UBASH3B: variants seen among roughly 807,000 people sequenced by gnomAD.
UBASH3B encodes the protein ubiquitin-associated and SH3 domain-containing protein B.
Under a neutral mutation model 83.4 loss-of-function variants are expected in UBASH3B, and 37 were observed. The ratio of observed to expected loss-of-function variants is 0.44; its 90% CI spans 0.34 to 0.58. UBASH3B has a LOEUF of 0.58. Ranked by LOEUF, UBASH3B falls within the 20% of genes least tolerant of loss-of-function variation. The pLI is 0.01. For synonymous variants in UBASH3B, 304 were observed against 318.3 expected (o/e 0.96, Z 0.48); for missense variants, 657 against 827.2 (o/e 0.79, Z 2.52).
chr11:122,800,773 A>T (rs370532145), intron 10 of UBASH3B, among the ~76,000 whole-genome samples: 3 of 151,724 alleles, frequency 2.0e-5, no homozygotes, highest in African/African-American at 7.3e-5. Flanking sequence ...ACACCCTGTT[A>T]ATGTTTGTAT....
At chr11:122,661,213 A>T (rs1432528899) in intron 1 of UBASH3B, among the ~76,000 whole-genome samples, 1 of 152,170 alleles carries the variant, frequency 6.6e-6, no homozygotes, top group Non-Finnish European at 1.5e-5. Context: ...ATTAAAGAGC[A>T]AGGCAGTGGC....
chr11:122,694,954 C>CTT (rs71054088), intron 1 of UBASH3B, among the ~76,000 whole-genome samples: 1,583 of 50,398 alleles, frequency 0.031, 399 homozygotes, highest in Middle Eastern at 0.048. Flanking sequence ...TCTTTTCTTT[C>CTT]TTTTTTTTTT....
At position 122,809,863 on chromosome 11, in the gene UBASH3B, A is replaced by G; in HGVS notation, c.1927A>G (p.Arg643Gly). 6.2e-7 allele frequency: 1 copy of G among 1,614,180 alleles called. No homozygotes were observed. Among genetic ancestry groups the G allele is most frequent in the East Asian group, 2.2e-5 (1 of 44,878 alleles). Residue 643 changes from arginine to glycine, a missense_variant, in exon 14 of 14, where the codon AGA becomes GGA. Around this residue, in one of 3 missense-constraint regions of UBASH3B, gnomAD observed 573 missense variants for 739.0 expected, o/e 0.78. Coordinates refer to ENST00000284273, the MANE Select transcript of UBASH3B (RefSeq NM_032873.5). ...THGPTGGFNW[R>G]ETLLQE ...TGGACCAACTGGGGGCTTCAACTGG[A>G]GAGAGACCTTGCTTCAAGAATAAAC...
chr11:122,681,787 C>T (rs182171043), intron 1 of UBASH3B, among the ~76,000 whole-genome samples: 44 of 152,228 alleles, frequency 2.9e-4, no homozygotes, highest in Non-Finnish European at 2.1e-4. Flanking sequence ...AAAAAAGATG[C>T]TTCTATTTGG....
At chr11:122,753,497 CTTTTTTT>C (rs200062623) in intron 1 of UBASH3B, among the ~76,000 whole-genome samples, 1 of 115,724 alleles carries the variant, frequency 8.6e-6, no homozygotes, top group African/African-American at 3.3e-5. Context: ...TTTTTTCTTT[CTTTTTTT>C]TTTTTTTTTT....
At chr11:122,690,009 T>A (rs574627237) in intron 1 of UBASH3B, among the ~76,000 whole-genome samples, 8 of 151,288 alleles carry the variant, frequency 5.3e-5, no homozygotes, top group Admixed American at 5.3e-4. Context: ...GGAAGTCTCA[T>A]TACCTCAGCA....
intron 1 of UBASH3B, among the ~76,000 whole-genome samples, chr11:122,714,232 T>G (rs1864236897): frequency 6.6e-6 from 1 of 152,210 alleles, no homozygotes; most frequent in African/African-American, 2.4e-5. Context: ...GAAGAGTGCT[T>G]AGATACTGGA....
intron 1 of UBASH3B, among the ~76,000 whole-genome samples, chr11:122,765,876 C>G (rs1488615970): frequency 6.6e-6 from 1 of 152,186 alleles, no homozygotes; most frequent in African/African-American, 2.4e-5. Context: ...GTAACATAGT[C>G]TCACTCCTAT....
chr11:122,804,737 A>T (rs1214133016), intron 11 of UBASH3B, among the ~76,000 whole-genome samples: 3 of 152,206 alleles, frequency 2.0e-5, no homozygotes, highest in Non-Finnish European at 4.4e-5. Flanking sequence ...CCTACTTCTG[A>T]TCAAGAGGCC....
At chr11:122,657,537 C>T (rs980399443) in intron 1 of UBASH3B, among the ~76,000 whole-genome samples, 2 of 152,174 alleles carry the variant, frequency 1.3e-5, no homozygotes, top group African/African-American at 4.8e-5. Context: ...GATCCACCCA[C>T]CTCGGTCTCC....
rs1326513977 is a variant in UBASH3B, at chr11:122,767,718, C to G, written c.162-8501C>G. Among the ~76,000 whole-genome samples the G allele has an allele frequency of 2.0e-5, 3 of 152,070 alleles. No individual in the cohort carries two copies. The East Asian group carries it at 5.8e-4, about 29-fold the overall frequency. On this transcript the variant is annotated intron_variant, in intron 1 of 13. Coordinates refer to ENST00000284273, the MANE Select transcript of UBASH3B (RefSeq NM_032873.5). ...TTCCCAAGCCACACAGCACAGAGGA[C>G]TAAGAAGGAGATTTTCAAAGCTCTG...
At chr11:122,794,586 C>T (rs1591817005) in intron 6 of UBASH3B, 116 bp from the exon 7 acceptor site, 2 of 1,314,612 alleles carry the variant, frequency 1.5e-6, no homozygotes, top group Non-Finnish European at 1.1e-6. Flanking sequence ...CATCCCCCAT[C>T]ATTGTGCTAC....
chr11:122,706,108 T>TTC (rs920655555), intron 1 of UBASH3B, among the ~76,000 whole-genome samples: 3 of 140,140 alleles, frequency 2.1e-5, no homozygotes, highest in African/African-American at 8.1e-5. Context: ...TTTTCTTTCT[T>TTC]TTTTTTTTTT....
At position 122,813,573 on chromosome 11, in the gene UBASH3B, G is replaced by A. The variant is rs1861486468; in HGVS notation, c.*3687G>A. On this transcript the variant is annotated 3_prime_UTR_variant, in exon 14 of 14. Coordinates refer to ENST00000284273, the MANE Select transcript of UBASH3B (RefSeq NM_032873.5). ...CACGAACTTAGATAATGAGGTGCAG[G>A]GTTATTTGCATTTAAATTGCAATCC... The A allele has an allele frequency of 2.0e-5, 3 of 152,234 alleles. No individual in the cohort carries two copies. Among genetic ancestry groups the A allele is most frequent in the South Asian group, 2.1e-4 (1 of 4,824 alleles). The allele number at this position is 152,234 out of a possible 1,614,324, so 9.4% of individuals were successfully genotyped here. A position where few individuals can be genotyped will look rare whatever the true frequency, so the allele number is the denominator to read the frequency against.
chr11:122,754,035 C>G (rs1317854412), intron 1 of UBASH3B, among the ~76,000 whole-genome samples: 1 of 152,176 alleles, frequency 6.6e-6, no homozygotes, highest in East Asian at 1.9e-4. Context: ...CCACTAGCAC[C>G]TGAAACATGG....
intron 10 of UBASH3B, among the ~76,000 whole-genome samples, chr11:122,800,200 A>G (rs1238910217): frequency 6.6e-6 from 1 of 152,140 alleles, no homozygotes; most frequent in Admixed American, 6.6e-5. Context: ...CTCAGAGACT[A>G]TCTGAAGTTT....
chr11:122,671,914 T>C (rs1005252597), intron 1 of UBASH3B, among the ~76,000 whole-genome samples: 2 of 152,086 alleles, frequency 1.3e-5, no homozygotes, highest in African/African-American at 4.8e-5. Flanking sequence ...TGGTTTGTTT[T>C]TTGTTGTTTG....
intron 1 of UBASH3B, among the ~76,000 whole-genome samples, chr11:122,680,266 A>T (rs902158957): frequency 2.6e-5 from 4 of 152,220 alleles, no homozygotes. Flanking sequence ...TTCAGCTTCA[A>T]ATAAAACCTC....
chr11:122,748,499 A>G (rs1161508466), intron 1 of UBASH3B, among the ~76,000 whole-genome samples: 1 of 152,212 alleles, frequency 6.6e-6, no homozygotes, highest in Non-Finnish European at 1.5e-5. Context: ...TGGAAATGGA[A>G]AACAGCCTGT....
Sources: allele counts gnomAD v4.1 joint callset (sites outside exome capture counted in the v4.1 genomes callset), GRCh38; gene constraint gnomAD v4.1.1; regional missense constraint gnomAD v4.1.1; transcripts MANE v1.5; gene names NCBI Gene and HGNC (gene_info 2026-07-23, HGNC 2026-07-21).